The following GPR149 variants were observed in gnomAD, a reference collection of about 807,000 sequenced individuals.
GPR149 encodes the protein G protein-coupled receptor 149, also known as probable G protein-coupled receptor 149.
In GPR149, 50 loss-of-function variants were observed where a neutral mutation model predicts 50.2. The observed-to-expected ratio is 1.00, with a 90% CI of 0.79 to 1.26. The LOEUF is 1.26. Among genes scored for constraint, GPR149 ranks in the 50% most tolerant of loss-of-function variants. The probability of loss-of-function intolerance (pLI) is 0.00; values close to 1 mark genes in which losing one functional copy is unlikely to be tolerated. For missense variants in GPR149, 983 were observed against 895.4 expected, an observed-to-expected ratio of 1.10 and a Z score of -1.25; for synonymous variants, 405 against 358.2, an observed-to-expected ratio of 1.13 and a Z score of -1.48.
At chr3:154,384,917 C>T (rs1715013534) in intron 3 of GPR149, among the ~76,000 whole-genome samples, 1 of 152,220 alleles carries the variant, frequency 6.6e-6, no homozygotes, top group Non-Finnish European at 1.5e-5. Flanking sequence ...AAATACGAAT[C>T]ATTGCTGCCT....
chr3:154,429,370 G>A lies in GPR149; in HGVS notation c.246C>T (p.Val82=). Residue 82 remains valine (V), a synonymous_variant, in exon 1 of 4, where the codon GTC becomes GTT. Coordinates refer to ENST00000389740, the MANE Select transcript of GPR149 (RefSeq NM_001038705.3). ...AAAACATGAAGATGGTCACCGACAG[G>A]ACGCTCATGAGATCATCCACAGACC... The part of the protein sequence containing the change: ...ASWSVDDLMS[V]LSVTIFMFLQ... 6.2e-7 allele frequency: 1 copy of A among 1,614,188 alleles called. No individual in the cohort carries two copies. The highest frequency in any genetic ancestry group is 8.5e-7 in the Non-Finnish European group (1 of 1,180,042).
chr3:154,378,158 C>T (rs755697349), intron 3 of GPR149, among the ~76,000 whole-genome samples: 3 of 142,360 alleles, frequency 2.1e-5, no homozygotes, highest in Non-Finnish European at 3.0e-5. Context: ...TTTTGTCTCA[C>T]TGCAACCTCT....
In GPR149 at chr3:154,375,874, A is replaced by G. The variant is rs192674937; in HGVS notation, c.1624-37603T>C. 6.9e-3 allele frequency among the ~76,000 whole-genome samples: 1,052 copies of G among 152,220 alleles called. 9 individuals are homozygous for G. Among genetic ancestry groups the G allele is most frequent in the South Asian group, 0.012 (59 of 4,816 alleles). On this transcript the variant is annotated intron_variant, in intron 3 of 3. Coordinates refer to ENST00000389740, the MANE Select transcript of GPR149 (RefSeq NM_001038705.3). ...GAACAAAAAGCCATAGAAAACACAA[A>G]TTTGCTCCCTGTTTTAGCTGGAACA... is the stretch of plus-strand genomic sequence containing the variant.
At chr3:154,362,658 T>C (rs538599486) in intron 3 of GPR149, among the ~76,000 whole-genome samples, 2 of 152,308 alleles carry the variant, frequency 1.3e-5, no homozygotes, top group African/African-American at 4.8e-5. Flanking sequence ...ATGCATTCTT[T>C]GTAAGTGTAT....
chr3:154,353,903 A>T (rs1321037729), intron 3 of GPR149: 1 of 548,328 alleles, frequency 1.8e-6, no homozygotes, highest in East Asian at 3.7e-5. Context: ...CTCTTCAGAA[A>T]TACGGAAATA....
intron 3 of GPR149, among the ~76,000 whole-genome samples, chr3:154,400,310 A>G (rs927736596): frequency 3.9e-5 from 6 of 152,336 alleles, no homozygotes; most frequent in African/African-American, 1.4e-4. Context: ...TTTACAAATT[A>G]TCATAATATT....
At position 154,423,272 on chromosome 3, in the gene GPR149, C is replaced by T. The variant is rs537252490; in HGVS notation, c.1175-1785G>A. Among the ~76,000 whole-genome samples, 8 of 151,890 alleles carry T rather than the reference C, an allele frequency of 5.3e-5. 1 individual carries two copies. Among genetic ancestry groups the T allele is most frequent in the South Asian group, 4.1e-4 (2 of 4,820 alleles). On this transcript the variant is annotated intron_variant, in intron 2 of 3. Coordinates refer to ENST00000389740, the MANE Select transcript of GPR149 (RefSeq NM_001038705.3). Reference sequence around the variant, plus strand: ...CACAACAACCCTACATAATAAAAAACGTATTGATTCTATTTTACACTGGAG... The same window carrying T: ...CACAACAACCCTACATAATAAAAAATGTATTGATTCTATTTTACACTGGAG...
chr3:154,353,275 T>G, intron 3 of GPR149: 1 of 1,440,142 alleles, frequency 6.9e-7, no homozygotes, highest in Non-Finnish European at 9.8e-7. Flanking sequence ...TTTTGAGTCA[T>G]TTATCCAATA....
At chr3:154,396,909 T>TA (rs1469682350) in intron 3 of GPR149, among the ~76,000 whole-genome samples, 3 of 151,430 alleles carry the variant, frequency 2.0e-5, no homozygotes, top group Non-Finnish European at 4.4e-5. Flanking sequence ...TATATATATA[T>TA]TTTTTGTCAT....
chr3:154,387,293 G>A (rs12488532), intron 3 of GPR149, among the ~76,000 whole-genome samples: 2,205 of 152,220 alleles, frequency 0.014, 128 homozygotes, highest in Admixed American at 0.1. Flanking sequence ...TGCACAAACT[G>A]TAGAACTCAA....
At chr3:154,389,208 C>CA (rs1325845954) in intron 3 of GPR149, among the ~76,000 whole-genome samples, 1 of 152,128 alleles carries the variant, frequency 6.6e-6, no homozygotes, top group Non-Finnish European at 1.5e-5. Flanking sequence ...CATCTTTCCT[C>CA]AATGGAAACA....
intron 3 of GPR149, among the ~76,000 whole-genome samples, chr3:154,416,226 C>T (rs980566613): frequency 6.6e-6 from 1 of 151,918 alleles, no homozygotes; most frequent in Middle Eastern, 3.4e-3. Context: ...TAATTTTGCC[C>T]TGCACTTCAA....
chr3:154,398,930 T>C (rs1567506), intron 3 of GPR149, among the ~76,000 whole-genome samples: 79,416 of 152,010 alleles, frequency 0.52, 21,358 homozygotes, highest in Middle Eastern at 0.68. Context: ...CAGAGCTGAA[T>C]GTAACTCCAA....
chr3:154,377,462 G>A (rs1376302315), intron 3 of GPR149, among the ~76,000 whole-genome samples: 1 of 151,502 alleles, frequency 6.6e-6, no homozygotes, highest in Non-Finnish European at 1.5e-5. Flanking sequence ...CACCTCGTGG[G>A]TTCAAATGAT....
intron 3 of GPR149, among the ~76,000 whole-genome samples, chr3:154,402,449 T>TAAATAAATAAATAAATAA (rs1553766101): frequency 1.4e-4 from 8 of 56,320 alleles, no homozygotes; most frequent in African/African-American, 4.5e-4. Flanking sequence ...TAAATAAATA[T>TAAATAAATAAATAAATAA]AGAATAGAAA....
In GPR149 at chr3:154,429,161, C is replaced by A; in HGVS notation, c.455G>T (p.Gly152Val). 6.2e-7 allele frequency: 1 copy of A among 1,613,830 alleles called. No individual in the cohort carries two copies. The highest frequency in any genetic ancestry group is 8.5e-7 in the Non-Finnish European group (1 of 1,179,950). ...TASRRSGQVLGVVLTVWAASL... is the reference protein window; with the variant it reads ...TASRRSGQVLVVVLTVWAASL... ...GGCTGCCCACACGGTCAGCACCACG[C>A]CGAGCACCTGGCCCGATCTTCTGGA... The change falls in exon 1 of 4, where the codon GGC becomes GTC. Residue 152 changes from glycine to valine, a missense_variant. Coordinates refer to ENST00000389740, the MANE Select transcript of GPR149 (RefSeq NM_001038705.3).
intron 3 of GPR149, among the ~76,000 whole-genome samples, chr3:154,339,904 C>T (rs1207971742): frequency 2.0e-5 from 3 of 150,442 alleles, no homozygotes; most frequent in Non-Finnish European, 3.0e-5. Flanking sequence ...ATTCTCCTGC[C>T]TCAGCCTCCC....
chr3:154,358,253 C>T (rs932875346), intron 3 of GPR149, among the ~76,000 whole-genome samples: 8 of 151,712 alleles, frequency 5.3e-5, no homozygotes, highest in Non-Finnish European at 8.8e-5. Context: ...AACTAACCTG[C>T]GCATTGTGCA....
chr3:154,361,194 T>C (rs557965619), intron 3 of GPR149, among the ~76,000 whole-genome samples: 2 of 152,292 alleles, frequency 1.3e-5, no homozygotes, highest in South Asian at 4.1e-4. Context: ...AGTGGTATTA[T>C]TGAATCTCAA....
Sources: allele counts gnomAD v4.1 joint callset (sites outside exome capture counted in the v4.1 genomes callset), GRCh38; gene constraint gnomAD v4.1.1; transcripts MANE v1.5; gene names NCBI Gene and HGNC (gene_info 2026-07-23, HGNC 2026-07-21).